The following EFHD1 variants were observed in gnomAD, a reference collection of about 807,000 sequenced individuals.
EFHD1 encodes EF-hand domain-containing protein D1.
In EFHD1, 10 loss-of-function variants were observed where a neutral mutation model predicts 17.2. The observed-to-expected ratio is 0.58, with a 90% confidence interval of 0.36 to 0.99. EFHD1 has a LOEUF of 0.99. Ranked by LOEUF, EFHD1 falls within the 50% of genes least tolerant of loss-of-function variation. EFHD1 has a pLI of 0.01. For missense variants in EFHD1, 310 were observed against 327.5 expected (o/e 0.95, Z 0.41); for synonymous variants, 153 against 142.0 (o/e 1.08, Z -0.55).
At chr2:232,612,976 A>C (rs1693836258) in intron 1 of EFHD1, among the ~76,000 whole-genome samples, 1 of 151,652 alleles carries the variant, frequency 6.6e-6, no homozygotes, top group African/African-American at 2.4e-5. Context: ...CAGGTGATCC[A>C]CCCGCTTTAG....
chr2:232,677,927 GAAA>G (rs2106220736), intron 3 of EFHD1, among the ~76,000 whole-genome samples: 1 of 152,172 alleles, frequency 6.6e-6, no homozygotes, highest in Non-Finnish European at 1.5e-5. Context: ...TTAGAATAAA[GAAA>G]AAAGAATTAT....
intron 1 of EFHD1, 75 bp downstream of exon 1, chr2:232,634,081 G>C: frequency 1.3e-6 from 2 of 1,561,866 alleles, no homozygotes; most frequent in Non-Finnish European, 1.7e-6. Flanking sequence ...CGAAGTCCCG[G>C]GCCCTGTTTG....
At chr2:232,612,908 T>C (rs1184893676) in intron 1 of EFHD1, among the ~76,000 whole-genome samples, 2 of 151,778 alleles carry the variant, frequency 1.3e-5, no homozygotes, top group African/African-American at 2.4e-5. Context: ...AATTTTTGTA[T>C]TTTTAGTAGA....
chr2:232,610,187 C>G (rs10184826), intron 1 of EFHD1, among the ~76,000 whole-genome samples: 150,529 of 152,328 alleles, frequency 0.99, 74,391 homozygotes, highest in East Asian at 1. Context: ...GTTTATATCA[C>G]AGCAGGTTTG....
At chr2:232,623,109 C>T (rs1694048365) in intron 1 of EFHD1, among the ~76,000 whole-genome samples, 1 of 152,078 alleles carries the variant, frequency 6.6e-6, no homozygotes, top group African/African-American at 2.4e-5. Context: ...TGCAAAGGCA[C>T]GATCAGGGCT....
chr2:232,643,520 G>A (rs1445837345), intron 1 of EFHD1, among the ~76,000 whole-genome samples: 5 of 151,070 alleles, frequency 3.3e-5, no homozygotes, highest in Non-Finnish European at 7.4e-5. Flanking sequence ...CCATCCTTCT[G>A]CCCGAGTCCC....
chr2:232,623,035 T>TCTTTA (rs1456274966), intron 1 of EFHD1, among the ~76,000 whole-genome samples: 1 of 152,008 alleles, frequency 6.6e-6, no homozygotes, highest in East Asian at 1.9e-4. Flanking sequence ...AAACTTTTCT[T>TCTTTA]CTTTTCTTTT....
Position 232,633,780 on chromosome 2 carries a change from C to G in EFHD1, c.76C>G (p.Leu26Val). The change falls in exon 1 of 4, where the codon CTG (leucine) becomes GTG (valine). Residue 26 changes from leucine to valine, a missense_variant. Physicochemically the swap from Leu to Val is conservative, Grantham distance 32. Coordinates refer to ENST00000264059, the MANE Select transcript of EFHD1 (RefSeq NM_025202.4). ...REEAEESGPQ[L>V]APLGAPAPEP... The stretch of plus-strand genomic sequence containing the variant: ...GGAGGCCGAGGAGAGTGGCCCCCAG[C>G]TGGCTCCCCTCGGCGCCCCAGCCCC... The G allele has an allele frequency of 6.8e-7, 1 of 1,460,304 alleles. No homozygotes were observed. Among genetic ancestry groups the G allele is most frequent in the Non-Finnish European group, 9.0e-7 (1 of 1,114,340 alleles). 90.5% of individuals were successfully genotyped at this position (1,460,304 alleles called of 1,614,324 possible). A position where few individuals can be genotyped will look rare whatever the true frequency, so the allele number is the denominator to read the frequency against.
intron 1 of EFHD1, among the ~76,000 whole-genome samples, chr2:232,615,936 C>G (rs1002736219): frequency 7.2e-5 from 11 of 152,200 alleles, no homozygotes; most frequent in African/African-American, 2.7e-4. Context: ...ATCTGCCCAC[C>G]TTGGCCTCCC....
intron 1 of EFHD1, among the ~76,000 whole-genome samples, chr2:232,635,391 C>T (rs1309021758): frequency 6.6e-6 from 1 of 152,176 alleles, no homozygotes; most frequent in African/African-American, 2.4e-5. Flanking sequence ...TTTTGTTTTT[C>T]CTATAAAACA....
rs1038700728 is a variant in EFHD1 at position 232,682,743 on chromosome 2, T to A, written c.*1024T>A. On this transcript the variant is annotated 3_prime_UTR_variant, in exon 4 of 4. Transcript: ENST00000264059. Reference sequence around the variant, plus strand: ...CATATTTATTCTCTTTTGTAACTGCTGTCTTTACAATAAAGAAATCATCTG... The same window carrying A: ...CATATTTATTCTCTTTTGTAACTGCAGTCTTTACAATAAAGAAATCATCTG... 2.6e-5 allele frequency: 4 copies of A among 152,250 alleles called. No individual in the cohort carries two copies. Among genetic ancestry groups the A allele is most frequent in the African/African-American group, 9.6e-5 (4 of 41,472 alleles). 9.4% of individuals were successfully genotyped at this position (152,250 alleles called of 1,614,324 possible). A position where few individuals can be genotyped will look rare whatever the true frequency, so the allele number is the denominator to read the frequency against.
At chr2:232,610,593 G>A (rs1693798403) in intron 1 of EFHD1, 1 of 152,498 alleles carries the variant, frequency 6.6e-6, no homozygotes, top group Admixed American at 6.6e-5. Flanking sequence ...AATATACTGG[G>A]CTGGCAGGGC....
chr2:232,620,524 T>C (rs1046545934), intron 1 of EFHD1, among the ~76,000 whole-genome samples: 4 of 151,758 alleles, frequency 2.6e-5, no homozygotes, highest in Non-Finnish European at 4.4e-5. Context: ...TAGCTGGGAC[T>C]ACAGGTGTGT....
At chr2:232,630,139 G>A (rs144769335), upstream of EFHD1, among the ~76,000 whole-genome samples, 534 of 152,012 alleles carry the variant, frequency 3.5e-3, 1 homozygote, top group African/African-American at 0.012. Context: ...TAGTAGAGGC[G>A]GGCTGTCACC....
At chr2:232,644,317 T>G (rs1401883142) in intron 1 of EFHD1, among the ~76,000 whole-genome samples, 3 of 152,044 alleles carry the variant, frequency 2.0e-5, no homozygotes, top group Non-Finnish European at 4.4e-5. Flanking sequence ...TGCCCCTGAT[T>G]TCGTCTCCTC....
chr2:232,654,051 A>G (rs1694706508), intron 1 of EFHD1, among the ~76,000 whole-genome samples: 1 of 151,968 alleles, frequency 6.6e-6, no homozygotes, highest in African/African-American at 2.4e-5. Context: ...TACTAAAAAT[A>G]CAGAAATTAG....
At chr2:232,659,977 A>G (rs1574725603) in intron 1 of EFHD1, among the ~76,000 whole-genome samples, 2 of 152,018 alleles carry the variant, frequency 1.3e-5, no homozygotes, top group South Asian at 4.2e-4. Flanking sequence ...TCACTATCAC[A>G]AGAATGGCAC....
intron 1 of EFHD1, among the ~76,000 whole-genome samples, chr2:232,650,560 C>CTT (rs71398730): frequency 1.2e-4 from 6 of 48,650 alleles, no homozygotes; most frequent in Non-Finnish European, 1.8e-4. Context: ...TCCCAAAGTG[C>CTT]TTTTTTTTTT....
chr2:232,635,456 A>C (rs1292200508), intron 1 of EFHD1, among the ~76,000 whole-genome samples: 1 of 152,234 alleles, frequency 6.6e-6, no homozygotes, highest in Non-Finnish European at 1.5e-5. Context: ...AAAAGAGTCC[A>C]TATGCTCAGA....
Sources: allele counts gnomAD v4.1 joint callset (sites outside exome capture counted in the v4.1 genomes callset), GRCh38; gene constraint gnomAD v4.1.1; transcripts MANE v1.5; gene names NCBI Gene and HGNC (gene_info 2026-07-23, HGNC 2026-07-21).